The following EML1 variants were observed in gnomAD, a reference collection of about 807,000 sequenced individuals.
The protein encoded by EML1 is echinoderm microtubule-associated protein-like 1.
In EML1, 27 loss-of-function variants were observed where a neutral mutation model predicts 110.4. The ratio of observed to expected loss-of-function variants is 0.24; its 90% CI spans 0.18 to 0.34. The LOEUF (loss-of-function observed/expected upper bound fraction) is 0.34. EML1 is among the 10% of genes least tolerant of loss of function. The pLI, the probability that EML1 is intolerant of heterozygous loss-of-function variation, is 1.00. For missense variants in EML1, 741 were observed against 1,030.9 expected, an observed-to-expected ratio of 0.72 and a Z score of 3.85; for synonymous variants, 344 against 385.8, an observed-to-expected ratio of 0.89 and a Z score of 1.27.
intron 4 of EML1, chr14:99,883,174 T>G (rs551648366): frequency 6.6e-6 from 1 of 152,342 alleles, no homozygotes; most frequent in East Asian, 1.9e-4. Context: ...CATTGCGCAC[T>G]TTTCCCCAGC....
At chr14:99,922,331 G>A (rs2060143855) in intron 17 of EML1, among the ~76,000 whole-genome samples, 2 of 152,106 alleles carry the variant, frequency 1.3e-5, no homozygotes, top group Non-Finnish European at 2.9e-5. Context: ...GGCCAGGCTG[G>A]TCTCAAACTC....
chr14:99,813,332 CAT>C (rs1489601934), intron 1 of EML1, among the ~76,000 whole-genome samples: 1 of 152,192 alleles, frequency 6.6e-6, no homozygotes, highest in African/African-American at 2.4e-5. Flanking sequence ...AATACCCTAA[CAT>C]GTACAATTAT....
intron 1 of EML1, among the ~76,000 whole-genome samples, chr14:99,751,780 T>C (rs1337043108): frequency 6.6e-6 from 1 of 151,848 alleles, no homozygotes; most frequent in Non-Finnish European, 1.5e-5. Flanking sequence ...TTGGGCAGAG[T>C]GAACCCCAGA....
chr14:99,816,198 C>G (rs535432418), intron 1 of EML1, among the ~76,000 whole-genome samples: 1 of 152,350 alleles, frequency 6.6e-6, no homozygotes, highest in South Asian at 2.1e-4. Context: ...GAGTCTCACT[C>G]TGTCGCCCAG....
chr14:99,853,307 T>A (rs899116044), intron 2 of EML1, among the ~76,000 whole-genome samples: 2 of 152,174 alleles, frequency 1.3e-5, no homozygotes, highest in African/African-American at 4.8e-5. Context: ...TGGAGGGACC[T>A]TGGGCTCTCT....
intron 1 of EML1, among the ~76,000 whole-genome samples, chr14:99,738,759 A>G (rs1285336309): frequency 6.6e-6 from 1 of 152,226 alleles, no homozygotes; most frequent in Non-Finnish European, 1.5e-5. Flanking sequence ...CTGAGTGCTC[A>G]GGGCCCTGCG....
chr14:99,937,006 C>T (rs1224012485), intron 19 of EML1, among the ~76,000 whole-genome samples: 2 of 152,224 alleles, frequency 1.3e-5, no homozygotes, highest in Non-Finnish European at 2.9e-5. Flanking sequence ...AGCGCTCCTC[C>T]TCTGCGTCTT....
intron 3 of EML1, among the ~76,000 whole-genome samples, chr14:99,873,943 T>C (rs2059246798): frequency 1.3e-5 from 2 of 152,188 alleles, no homozygotes; most frequent in South Asian, 4.1e-4. Context: ...TTTTATCCAG[T>C]GTTAGTCGCC....
intron 1 of EML1, among the ~76,000 whole-genome samples, chr14:99,795,203 C>T (rs116990056): frequency 0.043 from 6,495 of 152,196 alleles, 187 homozygotes; most frequent in Middle Eastern, 0.068. Flanking sequence ...TCCTAAATAG[C>T]AGTTTAGTCA....
At chr14:99,811,883 T>C (rs570079429) in intron 1 of EML1, among the ~76,000 whole-genome samples, 4 of 151,622 alleles carry the variant, frequency 2.6e-5, no homozygotes, top group Non-Finnish European at 5.9e-5. Flanking sequence ...AGAAAATACA[T>C]GTACTATTCA....
intron 1 of EML1, among the ~76,000 whole-genome samples, chr14:99,753,512 C>CT (rs2057207294): frequency 6.6e-6 from 1 of 151,918 alleles, no homozygotes; most frequent in Admixed American, 6.5e-5. Flanking sequence ...CTTCCTGGAA[C>CT]ACCTTGTGGT....
chr14:99,873,502 A>T (rs192486802), intron 3 of EML1, among the ~76,000 whole-genome samples: 1 of 152,346 alleles, frequency 6.6e-6, no homozygotes, highest in African/African-American at 2.4e-5. Flanking sequence ...AACGTAGGTG[A>T]TAAATCCATG....
intron 2 of EML1, among the ~76,000 whole-genome samples, chr14:99,864,295 T>A (rs961314057): frequency 6.6e-6 from 1 of 152,240 alleles, no homozygotes; most frequent in Non-Finnish European, 1.5e-5. Context: ...ATGCCTTGTA[T>A]TTTAATCCTC....
At chr14:99,808,030 C>T (rs2058009392) in intron 1 of EML1, among the ~76,000 whole-genome samples, 1 of 152,182 alleles carries the variant, frequency 6.6e-6, no homozygotes, top group African/African-American at 2.4e-5. Flanking sequence ...TAAGACCCGG[C>T]CTACAGACTA....
chr14:99,862,133 A>G (rs908724897), intron 2 of EML1, among the ~76,000 whole-genome samples: 5 of 152,160 alleles, frequency 3.3e-5, no homozygotes, highest in African/African-American at 7.2e-5. Context: ...TACCTGTTAG[A>G]GGGTTCATTG....
At position 99,907,748 on chromosome 14, in the gene EML1, C is replaced by T. The variant is rs2059877146; in HGVS notation, c.1104+15C>T. ...CAGATGTGAAGGTCATGCTCCAAGC[C>T]TTTTTTGGGCTGCATTAACATTTTC... On this transcript the variant is annotated intron_variant, in intron 10 of 21. Transcript: ENST00000262233. 1 of 1,612,740 alleles carries T rather than the reference C, an allele frequency of 6.2e-7. No homozygotes were observed. The highest frequency in any genetic ancestry group is 1.1e-5 in the South Asian group (1 of 90,868).
At chr14:99,884,835 T>A (rs1367317407) in intron 4 of EML1, among the ~76,000 whole-genome samples, 1 of 152,186 alleles carries the variant, frequency 6.6e-6, no homozygotes, top group Non-Finnish European at 1.5e-5. Context: ...GACAGGTGGA[T>A]GTATCTGGAA....
At chr14:99,860,341 T>C (rs2139863683) in intron 2 of EML1, among the ~76,000 whole-genome samples, 1 of 152,222 alleles carries the variant, frequency 6.6e-6, no homozygotes, top group South Asian at 2.1e-4. Context: ...AAGCTAGGGA[T>C]CCATTTACCT....
intron 2 of EML1, among the ~76,000 whole-genome samples, chr14:99,853,248 T>TA (rs369188095): frequency 1.1e-3 from 173 of 151,908 alleles, no homozygotes; most frequent in African/African-American, 3.7e-3. Context: ...CACCAAGAAG[T>TA]AAAAAAAAGA....
Sources: gnomAD v4.1 joint callset for allele counts (sites outside exome capture counted in the v4.1 genomes callset) on GRCh38, gnomAD v4.1.1 for gene constraint, MANE v1.5 for transcripts, NCBI Gene and HGNC (gene_info 2026-07-23, HGNC 2026-07-21) for gene names.